Variants in TMEM178B observed in about 807,000 individuals in gnomAD.
TMEM178B encodes transmembrane protein 178B.
TMEM178B carries 5 observed loss-of-function variants against 31.0 expected under a neutral mutation model. The observed-to-expected ratio is 0.16, with a 90% confidence interval of 0.08 to 0.34. The LOEUF is 0.34. Among genes scored for constraint, TMEM178B ranks in the 10% least tolerant of loss-of-function variants. TMEM178B has a pLI of 1.00. For synonymous variants in TMEM178B, 164 were observed against 164.0 expected (o/e 1.00, Z 0.00); for missense variants, 275 against 400.3 (o/e 0.69, Z 2.67).
intron 2 of TMEM178B, among the ~76,000 whole-genome samples, chr7:141,338,480 C>G (rs1049402619): frequency 2.0e-5 from 3 of 152,144 alleles, no homozygotes; most frequent in African/African-American, 7.2e-5. Flanking sequence ...ATGAAAACGC[C>G]TGGAACCCTA....
At chr7:141,463,784 G>A (rs1026812747) in intron 3 of TMEM178B, among the ~76,000 whole-genome samples, 1 of 152,218 alleles carries the variant, frequency 6.6e-6, no homozygotes, top group African/African-American at 2.4e-5. Flanking sequence ...TCTCTAGTGT[G>A]GCCAGAGTGT....
Position 141,344,574 on chromosome 7 carries a change from CCCTTCCTTCCTT to C in TMEM178B, c.497-92990_497-92979del, listed in dbSNP as rs34831263. Among the ~76,000 whole-genome samples the C allele has an allele frequency of 0.015, 2,113 of 137,304 alleles. 21 individuals are homozygous for C. Among genetic ancestry groups the C allele is most frequent in the Middle Eastern group, 0.024 (7 of 286 alleles). The allele number at this position is 137,304 out of a possible 152,430, so 90.1% of individuals were successfully genotyped here. A position where few individuals can be genotyped will look rare whatever the true frequency, so the allele number is the denominator to read the frequency against. On this transcript the variant is annotated intron_variant, in intron 2 of 3. Transcript: ENST00000565468. The surrounding 1 kb of genome is among the most constrained non-coding windows in gnomAD (Gnocchi z 4.1). Reference sequence around the variant, plus strand: ...CTCCCTCCCTCCATTCCTCCCTCCTCCCTTCCTTCCTTCCTTCCTTCCTTCCTTCCTTCCTTC... The same window carrying C: ...CTCCCTCCCTCCATTCCTCCCTCCTCCCTTCCTTCCTTCCTTCCTTCCTTC...
intron 2 of TMEM178B, among the ~76,000 whole-genome samples, chr7:141,276,971 G>A (rs2116390901): frequency 6.6e-6 from 1 of 152,346 alleles, no homozygotes; most frequent in South Asian, 2.1e-4. Flanking sequence ...CCTGTATAGG[G>A]CACTTATCGT....
In TMEM178B at chr7:141,241,154, T is replaced by A. The variant is rs891465639; in HGVS notation, c.496+28450T>A. Among the ~76,000 whole-genome samples, 13 of 141,088 alleles carry A rather than the reference T, an allele frequency of 9.2e-5. No individual in the cohort carries two copies. In the South Asian group the frequency reaches 2.1e-3, roughly 23 times the overall value. The allele number at this position is 141,088 out of a possible 152,430, so 92.6% of individuals were successfully genotyped here. A position where few individuals can be genotyped will look rare whatever the true frequency, so the allele number is the denominator to read the frequency against. On this transcript the variant is annotated intron_variant, in intron 2 of 3. Coordinates refer to ENST00000565468, the MANE Select transcript of TMEM178B (RefSeq NM_001195278.2). ...GTACCTAATGTGTAGTTTTTTTTTTTAATCCCTAGCCCCCTCCCATCCTCC... is the reference window on the plus strand; with the variant it reads ...GTACCTAATGTGTAGTTTTTTTTTTAAATCCCTAGCCCCCTCCCATCCTCC...
At chr7:141,103,457 T>C (rs1437300927) in intron 1 of TMEM178B, among the ~76,000 whole-genome samples, 7 of 152,210 alleles carry the variant, frequency 4.6e-5, no homozygotes, top group Non-Finnish European at 8.8e-5. Flanking sequence ...TTTGCCTCTA[T>C]TGGAGCACAT....
At chr7:141,220,352 AT>A (rs879936235) in intron 2 of TMEM178B, among the ~76,000 whole-genome samples, 2,060 of 92,212 alleles carry the variant, frequency 0.022, 23 homozygotes, top group Non-Finnish European at 0.032. Context: ...AATAATAATA[AT>A]AATAATAAAA....
At chr7:141,426,249 C>A (rs1272793139) in intron 2 of TMEM178B, among the ~76,000 whole-genome samples, 1 of 152,214 alleles carries the variant, frequency 6.6e-6, no homozygotes, top group Non-Finnish European at 1.5e-5. Context: ...GGTGATCTCA[C>A]TTAGCAAATA....
At chr7:141,438,897 A>C (rs1308097700) in intron 3 of TMEM178B, among the ~76,000 whole-genome samples, 1 of 151,508 alleles carries the variant, frequency 6.6e-6, no homozygotes, top group East Asian at 1.9e-4. Flanking sequence ...AAGAAAAAGA[A>C]AAAAGAAATG....
intron 2 of TMEM178B, among the ~76,000 whole-genome samples, chr7:141,248,579 A>G (rs1323786105): frequency 6.6e-6 from 1 of 152,238 alleles, no homozygotes; most frequent in East Asian, 1.9e-4. Flanking sequence ...CTCCTAGGCT[A>G]CAAACCTGTA....
At chr7:141,384,781 C>T (rs1190288209) in intron 2 of TMEM178B, among the ~76,000 whole-genome samples, 1 of 152,054 alleles carries the variant, frequency 6.6e-6, no homozygotes, top group East Asian at 1.9e-4. Flanking sequence ...TTATTTTCAA[C>T]ATGTGGAGGA....
At chr7:141,348,606 C>G (rs1799658792) in intron 2 of TMEM178B, among the ~76,000 whole-genome samples, 2 of 151,882 alleles carry the variant, frequency 1.3e-5, no homozygotes, top group South Asian at 4.2e-4. Flanking sequence ...TGGATAATTT[C>G]AGGCTGAAAG....
intron 1 of TMEM178B, among the ~76,000 whole-genome samples, chr7:141,090,463 T>A (rs565518695): frequency 6.6e-6 from 1 of 152,348 alleles, no homozygotes; most frequent in South Asian, 2.1e-4. Context: ...TGATGAAGCC[T>A]CTCTCTCAAA....
intron 2 of TMEM178B, chr7:141,414,434 A>G (rs1361162154): frequency 1.3e-5 from 2 of 152,504 alleles, no homozygotes; most frequent in African/African-American, 4.8e-5. Context: ...TGAGTATACC[A>G]TAATTTCTAT....
At chr7:141,320,983 T>C (rs1350892599) in intron 2 of TMEM178B, among the ~76,000 whole-genome samples, 1 of 152,152 alleles carries the variant, frequency 6.6e-6, no homozygotes, top group African/African-American at 2.4e-5. Context: ...TTTCAGTTTG[T>C]TTCCCACCTG....
chr7:141,343,583 G>A (rs1206482353), intron 2 of TMEM178B, among the ~76,000 whole-genome samples: 2 of 145,016 alleles, frequency 1.4e-5, no homozygotes, highest in African/African-American at 5.2e-5. Context: ...TCCCAGGCTG[G>A]AGTGCAATGG....
At chr7:141,235,248 TATATTA>T (rs1029137468) in intron 2 of TMEM178B, among the ~76,000 whole-genome samples, 2 of 152,220 alleles carry the variant, frequency 1.3e-5, no homozygotes, top group Non-Finnish European at 2.9e-5. Context: ...AATATGTTCT[TATATTA>T]ATAATAGTTT....
At chr7:141,357,885 C>T (rs1799848682) in intron 2 of TMEM178B, among the ~76,000 whole-genome samples, 2 of 152,188 alleles carry the variant, frequency 1.3e-5, no homozygotes, top group Non-Finnish European at 2.9e-5. Flanking sequence ...TTCATAAGAA[C>T]ACTAGACTGC....
chr7:141,279,553 TGTA>T (rs1798320166), intron 2 of TMEM178B, among the ~76,000 whole-genome samples: 1 of 152,176 alleles, frequency 6.6e-6, no homozygotes, highest in South Asian at 2.1e-4. Context: ...TGTGACAAGT[TGTA>T]GAAGGGAGAG....
chr7:141,173,296 C>T (rs1030722207), intron 1 of TMEM178B: 1 of 152,196 alleles, frequency 6.6e-6, no homozygotes, highest in Non-Finnish European at 1.5e-5. Context: ...AGAACAATGT[C>T]ATGTGTAAAT....
Sources: allele counts gnomAD v4.1 joint callset (sites outside exome capture counted in the v4.1 genomes callset), GRCh38; gene constraint gnomAD v4.1.1; non-coding constraint Gnocchi (gnomAD v3.1); transcripts MANE v1.5; gene names NCBI Gene and HGNC (gene_info 2026-07-23, HGNC 2026-07-21).